The following APBB1IP variants were observed in gnomAD, a reference collection of about 807,000 sequenced individuals.
The protein encoded by APBB1IP is amyloid beta precursor protein binding family B member 1 interacting protein, also known as amyloid beta A4 precursor protein-binding family B member 1-interacting protein.
A neutral mutation model predicts 64.9 loss-of-function variants in APBB1IP; 27 were observed. That is an observed-to-expected ratio of 0.42 (90% CI 0.31 to 0.57). The LOEUF (loss-of-function observed/expected upper bound fraction) is 0.57, where lower values mean the gene tolerates loss of function less well. APBB1IP is among the 20% of genes least tolerant of loss of function. APBB1IP has a pLI of 0.20. For missense variants in APBB1IP, 812 were observed against 845.5 expected (o/e 0.96, Z 0.49); for synonymous variants, 392 against 331.0 (o/e 1.18, Z -2.00).
At chr10:26,467,212 T>A (rs1293111208) in intron 2 of APBB1IP, among the ~76,000 whole-genome samples, 2 of 152,202 alleles carry the variant, frequency 1.3e-5, no homozygotes, top group Non-Finnish European at 2.9e-5. Flanking sequence ...AGCCTTCTAA[T>A]GCATTTTTAA....
chr10:26,516,563 T>TAAAAAAAAAAAAAAAAAAAAAAA (rs1198670517), intron 8 of APBB1IP, among the ~76,000 whole-genome samples: 54 of 53,220 alleles, frequency 1.0e-3, no homozygotes, highest in African/African-American at 3.6e-3. Context: ...AAAAAAAAAG[T>TAAAAAAAAAAAAAAAAAAAAAAA]AAAGCGGAAA....
intron 6 of APBB1IP, among the ~76,000 whole-genome samples, chr10:26,506,260 G>C (rs867999642): frequency 2.9e-5 from 4 of 135,704 alleles, no homozygotes; most frequent in Admixed American, 7.2e-5. Flanking sequence ...TGGGGGGGGG[G>C]GGTGGGGGGC....
At chr10:26,459,046 G>A (rs1021897234) in intron 2 of APBB1IP, among the ~76,000 whole-genome samples, 9 of 150,092 alleles carry the variant, frequency 6.0e-5, no homozygotes, top group Admixed American at 6.6e-5. Flanking sequence ...CCATTAACTT[G>A]TCATTTAGCA....
chr10:26,495,583 G>A (rs1223898149), intron 3 of APBB1IP, among the ~76,000 whole-genome samples: 1 of 150,188 alleles, frequency 6.7e-6, no homozygotes, highest in Non-Finnish European at 1.5e-5. Context: ...AGCCTGGGCA[G>A]CATAGTAAGA....
At chr10:26,553,655 C>A (rs1290718328) in intron 11 of APBB1IP, among the ~76,000 whole-genome samples, 1 of 152,142 alleles carries the variant, frequency 6.6e-6, no homozygotes, top group East Asian at 1.9e-4. Flanking sequence ...CAGACCCTTT[C>A]TCTACGAATG....
In APBB1IP at chr10:26,537,212, C is replaced by T. The variant is rs141583934; in HGVS notation, c.1044+995C>T. Among the ~76,000 whole-genome samples, 35 of 152,186 alleles carry T rather than the reference C, an allele frequency of 2.3e-4. No individual in the cohort carries two copies. In the East Asian group the frequency reaches 5.8e-3, roughly 25 times the overall value. ...ATGTCTAATCTGTATCTTGGGTACG[C>T]GGAAGCATTTTGCCTTCCCTTCCAA... On this transcript the variant is annotated intron_variant, in intron 10 of 14. Coordinates refer to ENST00000376236, the MANE Select transcript of APBB1IP (RefSeq NM_019043.4).
chr10:26,514,268 T>G (rs1490686094), intron 8 of APBB1IP, among the ~76,000 whole-genome samples: 2 of 152,236 alleles, frequency 1.3e-5, no homozygotes, highest in Non-Finnish European at 2.9e-5. Flanking sequence ...TCTGTGTGGC[T>G]GTATTAATCC....
chr10:26,456,745 A>G (rs937346478), intron 2 of APBB1IP, among the ~76,000 whole-genome samples: 91 of 150,984 alleles, frequency 6.0e-4, no homozygotes, highest in African/African-American at 2.2e-3. Flanking sequence ...TCTAAAAAAA[A>G]AAAAAAAAAA....
intron 2 of APBB1IP, among the ~76,000 whole-genome samples, chr10:26,483,346 A>C (rs934324869): frequency 6.6e-6 from 1 of 152,172 alleles, no homozygotes; most frequent in South Asian, 2.1e-4. Context: ...TGGATGCCTC[A>C]GTTTTCTCAT....
rs1463541463 is a variant in APBB1IP, at chr10:26,567,376, C to A, written c.1889C>A (p.Pro630His). 2 of 1,573,432 alleles carry A rather than the reference C, an allele frequency of 1.3e-6. No individual in the cohort carries two copies. ...GCGGTGGCCAAGAGGCCTCCTGTGC[C>A]CCCCAAGAGGCAAGAGAACCCAGGG... is the stretch of plus-strand genomic sequence containing the variant. ...PPAVAKRPPVPPKRQENPGHP... is the reference protein window; with the variant it reads ...PPAVAKRPPVHPKRQENPGHP... The change falls in exon 15 of 15, where the codon CCC becomes CAC. Residue 630 changes from proline to histidine, a missense_variant. Physicochemically the swap from Pro to His is moderately conservative, Grantham distance 77. Transcript: ENST00000376236.
intron 6 of APBB1IP, among the ~76,000 whole-genome samples, chr10:26,510,464 G>A (rs1322664864): frequency 6.6e-6 from 1 of 152,188 alleles, no homozygotes; most frequent in Non-Finnish European, 1.5e-5. Flanking sequence ...TGGATACAGT[G>A]GCTCATGCCT....
rs1837075988 is a variant in APBB1IP at position 26,567,706 on chromosome 10, A to G, written c.*218A>G. 5.2e-6 allele frequency: 6 copies of G among 1,157,292 alleles called. No individual in the cohort carries two copies. Among genetic ancestry groups the G allele is most frequent in the Admixed American group, 3.5e-5 (1 of 28,452 alleles). The allele number at this position is 1,157,292 out of a possible 1,614,324, so 71.7% of individuals were successfully genotyped here. A position where few individuals can be genotyped will look rare whatever the true frequency, so the allele number is the denominator to read the frequency against. On this transcript the variant is annotated 3_prime_UTR_variant, in exon 15 of 15. Coordinates refer to ENST00000376236, the MANE Select transcript of APBB1IP (RefSeq NM_019043.4). ...TCCCATGTATTTTAACCTAAATGGA[A>G]TGTATCTTCCCTTCCAAGCTGCCTA...
intron 8 of APBB1IP, among the ~76,000 whole-genome samples, chr10:26,524,199 A>G (rs1836441492): frequency 1.3e-5 from 2 of 152,168 alleles, no homozygotes; most frequent in African/African-American, 4.8e-5. Context: ...CACGAAACCT[A>G]GAAAGATCAC....
rs186813329 is a variant in APBB1IP at position 26,525,862 on chromosome 10, T to C, written c.814-7577T>C. Among the ~76,000 whole-genome samples the C allele has an allele frequency of 2.4e-3, 370 of 152,312 alleles. 1 individual carries two copies. Among genetic ancestry groups the C allele is most frequent in the African/African-American group, 8.2e-3 (340 of 41,580 alleles). ...ACTGTATGATCTAATGGAAATAAAC[T>C]GAGGGAAACTTGGCAAGGCCTGTTC... On this transcript the variant is annotated intron_variant, in intron 8 of 14. Transcript: ENST00000376236.
intron 9 of APBB1IP, 92 bp from the exon 10 acceptor site, chr10:26,535,982 T>C (rs1438655743): frequency 2.5e-5 from 35 of 1,373,172 alleles, no homozygotes; most frequent in Non-Finnish European, 3.4e-5. Flanking sequence ...TGACTTTTAG[T>C]TTAAAAGCTA....
intron 2 of APBB1IP, among the ~76,000 whole-genome samples, chr10:26,482,885 A>C (rs1441667655): frequency 6.7e-6 from 1 of 150,358 alleles, no homozygotes; most frequent in African/African-American, 2.5e-5. Flanking sequence ...CAGGTGTTTG[A>C]GACCAGCCTG....
chr10:26,440,409 A>T (rs1360897262), intron 2 of APBB1IP, among the ~76,000 whole-genome samples: 1 of 152,224 alleles, frequency 6.6e-6, no homozygotes, highest in Non-Finnish European at 1.5e-5. Context: ...GGAGAAAATA[A>T]TCATAACCAT....
intron 8 of APBB1IP, among the ~76,000 whole-genome samples, chr10:26,526,475 C>T (rs10829016): frequency 0.22 from 33,032 of 151,830 alleles, 3,824 homozygotes; most frequent in African/African-American, 0.3. Flanking sequence ...AATCCCAGCA[C>T]TTTGGGAGGC....
intron 10 of APBB1IP, among the ~76,000 whole-genome samples, chr10:26,538,645 A>G (rs1836659346): frequency 6.6e-6 from 1 of 151,720 alleles, no homozygotes; most frequent in Admixed American, 6.6e-5. Context: ...CCATCTCAAA[A>G]AAAAAAAAAA....
Sources: gnomAD v4.1 joint callset for allele counts (sites outside exome capture counted in the v4.1 genomes callset) on GRCh38, gnomAD v4.1.1 for gene constraint, MANE v1.5 for transcripts, NCBI Gene and HGNC (gene_info 2026-07-23, HGNC 2026-07-21) for gene names.